LRRFIP1: variants seen among roughly 807,000 people sequenced by gnomAD.
The protein encoded by LRRFIP1 is LRR binding FLII interacting protein 1, also known as leucine-rich repeat flightless-interacting protein 1.
A neutral mutation model predicts 104.4 loss-of-function variants in LRRFIP1; 62 were observed. That is an observed-to-expected ratio of 0.59 (90% CI 0.48 to 0.73). The LOEUF (loss-of-function observed/expected upper bound fraction) is 0.73. Ranked by LOEUF, LRRFIP1 falls within the 30% of genes least tolerant of loss-of-function variation. LRRFIP1 has a pLI of 0.00. For synonymous variants in LRRFIP1, 300 were observed against 299.0 expected, an observed-to-expected ratio of 1.00 and a Z score of -0.03; for missense variants, 796 against 824.5, an observed-to-expected ratio of 0.97 and a Z score of 0.42.
rs1403961644 is a variant in LRRFIP1, at chr2:237,688,790, A to AC, written c.97-19748dup. On this transcript the variant is annotated intron_variant, in intron 1 of 23. Transcript: ENST00000308482. ...GCACCCTCTTCCGAGGAAACCCCCCACCCCCCTGCTCAGACCTTTCCAAGG... is the reference window on the plus strand; with the variant it reads ...GCACCCTCTTCCGAGGAAACCCCCCACCCCCCCTGCTCAGACCTTTCCAAGG... Among the ~76,000 whole-genome samples the AC allele has an allele frequency of 1.3e-5, 2 of 151,020 alleles. 1 individual carries two copies. The highest frequency in any genetic ancestry group is 4.2e-4 in the South Asian group (2 of 4,764).
chr2:237,778,407 A>C (rs2061272244), intron 23 of LRRFIP1, among the ~76,000 whole-genome samples: 2 of 152,172 alleles, frequency 1.3e-5, no homozygotes, highest in Admixed American at 6.5e-5. Flanking sequence ...CTGTGGGTCC[A>C]GATGATGCCC....
intron 1 of LRRFIP1, among the ~76,000 whole-genome samples, chr2:237,648,827 A>T (rs1274057453): frequency 6.6e-6 from 1 of 151,482 alleles, no homozygotes; most frequent in Admixed American, 6.6e-5. Flanking sequence ...GGCAGTGATG[A>T]CCAGGCTCCC....
rs1423528873 is a variant in LRRFIP1, at chr2:237,753,305, A to G, written c.868-4A>G. ...ATTTCAAAAATATGACCTGCTTTCCACAGGACTCTCTAGCAGAAGTTGAAG... is the reference window on the plus strand; with the variant it reads ...ATTTCAAAAATATGACCTGCTTTCCGCAGGACTCTCTAGCAGAAGTTGAAG... On this transcript the variant is annotated splice_region_variant and splice_polypyrimidine_tract_variant and intron_variant, in intron 14 of 23. Transcript: ENST00000308482. The G allele has an allele frequency of 6.4e-7, 1 of 1,569,838 alleles. No individual in the cohort carries two copies.
intron 1 of LRRFIP1, among the ~76,000 whole-genome samples, chr2:237,630,453 G>A (rs1242726038): frequency 1.3e-5 from 2 of 152,164 alleles, no homozygotes; most frequent in Non-Finnish European, 2.9e-5. Flanking sequence ...GGTCAGAAAG[G>A]GGTTGACACC....
intron 11 of LRRFIP1, among the ~76,000 whole-genome samples, chr2:237,740,082 G>C (rs773509755): frequency 9.9e-5 from 15 of 152,014 alleles, no homozygotes; most frequent in Non-Finnish European, 1.9e-4. Context: ...GATGGGCAAG[G>C]CTTCCCTGTT....
chr2:237,691,518 G>C lies in LRRFIP1; in HGVS notation c.97-17026G>C, dbSNP rs1200563535. Among the ~76,000 whole-genome samples the C allele has an allele frequency of 6.6e-6, 1 of 152,176 alleles. No homozygotes were observed. Among genetic ancestry groups the C allele is most frequent in the Non-Finnish European group, 1.5e-5 (1 of 68,012 alleles). Reference sequence around the variant, plus strand: ...AGGGGGGCTGTGTGCACGCAGCTGCGTCGTCCTGGAAGTCGGCCCTTCTCG... The same window carrying C: ...AGGGGGGCTGTGTGCACGCAGCTGCCTCGTCCTGGAAGTCGGCCCTTCTCG... On this transcript the variant is annotated intron_variant, in intron 1 of 23. Transcript: ENST00000308482. The surrounding 1 kb of genome is among the most constrained non-coding windows in gnomAD (Gnocchi z 5.4).
At chr2:237,648,561 T>C (rs1559467231) in intron 1 of LRRFIP1, among the ~76,000 whole-genome samples, 1 of 150,808 alleles carries the variant, frequency 6.6e-6, no homozygotes, top group Non-Finnish European at 1.5e-5. Context: ...GACCCCCATC[T>C]CTACAAGAAA....
intron 19 of LRRFIP1, chr2:237,769,550 G>A (rs2060451145): frequency 4.9e-6 from 1 of 204,380 alleles, no homozygotes; most frequent in Non-Finnish European, 1.0e-5. Flanking sequence ...GGAAAGGCGA[G>A]GCTGTTCAAA....
At chr2:237,712,671 G>A (rs2094154577) in intron 2 of LRRFIP1, among the ~76,000 whole-genome samples, 1 of 152,150 alleles carries the variant, frequency 6.6e-6, no homozygotes, top group South Asian at 2.1e-4. Context: ...GTGCATGTGC[G>A]CTCACACACG....
intron 18 of LRRFIP1, among the ~76,000 whole-genome samples, 185 bp from the exon 19 acceptor site, chr2:237,759,879 G>A (rs529330163): frequency 1.6e-4 from 24 of 152,230 alleles, no homozygotes; most frequent in Middle Eastern, 6.8e-3. Flanking sequence ...TTTGGAGGAC[G>A]ATATCCCAGA....
chr2:237,676,822 A>G (rs940227182), intron 1 of LRRFIP1, among the ~76,000 whole-genome samples: 5 of 152,176 alleles, frequency 3.3e-5, no homozygotes, highest in African/African-American at 1.2e-4. Context: ...GTTTTAAAAC[A>G]GAGATGTGCC....
intron 1 of LRRFIP1, among the ~76,000 whole-genome samples, chr2:237,676,203 C>T (rs555316464): frequency 4.9e-4 from 74 of 152,176 alleles, no homozygotes; most frequent in Non-Finnish European, 9.7e-4. Context: ...CTTTCTGTCT[C>T]CATGAATTTG....
intron 6 of LRRFIP1, among the ~76,000 whole-genome samples, chr2:237,722,792 G>A (rs999921530): frequency 6.6e-6 from 1 of 152,178 alleles, no homozygotes; most frequent in African/African-American, 2.4e-5. Context: ...ACAGTTCTTA[G>A]GAACAAGGCC....
intron 19 of LRRFIP1, chr2:237,762,522 G>C (rs2059979955): frequency 8.8e-7 from 1 of 1,134,252 alleles, no homozygotes. Flanking sequence ...GGTGGGATTT[G>C]GAACGTGTGT....
intron 15 of LRRFIP1, among the ~76,000 whole-genome samples, chr2:237,754,574 G>C (rs1490211858): frequency 6.6e-6 from 1 of 152,212 alleles, no homozygotes; most frequent in Non-Finnish European, 1.5e-5. Flanking sequence ...TGTCGTTGTT[G>C]TTGTTGTTTT....
chr2:237,692,385 C>T (rs929888045), intron 1 of LRRFIP1: 44 of 1,401,078 alleles, frequency 3.1e-5, no homozygotes, highest in East Asian at 6.0e-5. Flanking sequence ...CCCCCTGGCC[C>T]GGCCCGCGAG....
At chr2:237,733,382 C>T (rs528345195) in intron 8 of LRRFIP1, among the ~76,000 whole-genome samples, 1 of 152,308 alleles carries the variant, frequency 6.6e-6, no homozygotes, top group South Asian at 2.1e-4. Flanking sequence ...TGGACATCTG[C>T]GTATTGAATA....
At position 237,781,024 on chromosome 2, in the gene LRRFIP1, C is replaced by A. The variant is rs925742111; in HGVS notation, c.*1492C>A. Among the ~76,000 whole-genome samples, 4 of 152,172 alleles carry A rather than the reference C, an allele frequency of 2.6e-5. No homozygotes were observed. Among genetic ancestry groups the A allele is most frequent in the African/African-American group, 9.7e-5 (4 of 41,442 alleles). On this transcript the variant is annotated 3_prime_UTR_variant, in exon 24 of 24. Coordinates refer to ENST00000308482, the MANE Select transcript of LRRFIP1 (RefSeq NM_001137550.2). ...CACTGGGAGACCCACACTGCACACC[C>A]GGGCACCGTATGAACAGGAAAGAGG...
chr2:237,723,509 T>C (rs2094607879), intron 6 of LRRFIP1, 39 bp from the exon 7 acceptor site: 1 of 1,610,034 alleles, frequency 6.2e-7, no homozygotes, highest in Admixed American at 1.7e-5. Flanking sequence ...CAACTCTCTT[T>C]GCTGTTGTTT....
Sources: gnomAD v4.1 joint callset for allele counts (sites outside exome capture counted in the v4.1 genomes callset) on GRCh38, gnomAD v4.1.1 for gene constraint, Gnocchi (gnomAD v3.1) non-coding constraint, MANE v1.5 for transcripts, NCBI Gene and HGNC (gene_info 2026-07-23, HGNC 2026-07-21) for gene names.